The following LYN variants were observed in gnomAD, a reference collection of about 807,000 sequenced individuals.
The protein encoded by LYN is tyrosine-protein kinase Lyn.
Under a neutral mutation model 65.0 loss-of-function variants are expected in LYN, and 12 were observed. That is an observed-to-expected ratio of 0.18 (90% confidence interval 0.12 to 0.30). LYN has a LOEUF of 0.30. Ranked by LOEUF, LYN falls within the 10% of genes least tolerant of loss-of-function variation. The pLI is 1.00. For synonymous variants in LYN, 222 were observed against 221.2 expected (o/e 1.00, Z -0.03); for missense variants, 380 against 623.2 (o/e 0.61, Z 4.16).
chr8:55,946,126 G>A (rs1806768295), intron 2 of LYN, among the ~76,000 whole-genome samples: 1 of 152,186 alleles, frequency 6.6e-6, no homozygotes, highest in African/African-American at 2.4e-5. Flanking sequence ...CACTCATTGA[G>A]CTGGGCAAAC....
rs376217002 is a variant in LYN at position 56,009,890 on chromosome 8, T to C, written c.1337-18T>C. The C allele has an allele frequency of 1.9e-6, 3 of 1,610,570 alleles. No individual in the cohort carries two copies. The highest frequency in any genetic ancestry group is 2.7e-5 in the African/African-American group (2 of 74,700). On this transcript the variant is annotated intron_variant, in intron 12 of 12. Coordinates refer to ENST00000519728, the MANE Select transcript of LYN (RefSeq NM_002350.4). Reference sequence around the variant, plus strand: ...AAACGGCATGGGTTTCTGTTCTTTTTGTTTTTTTCCACCCTAGGGAGAACT... The same window carrying C: ...AAACGGCATGGGTTTCTGTTCTTTTCGTTTTTTTCCACCCTAGGGAGAACT...
intron 1 of LYN, among the ~76,000 whole-genome samples, chr8:55,906,681 T>C (rs2130393758): frequency 6.7e-6 from 1 of 150,176 alleles, no homozygotes; most frequent in Non-Finnish European, 1.5e-5. Flanking sequence ...GAGATCAGCT[T>C]GGGCAACGTA....
intron 8 of LYN, among the ~76,000 whole-genome samples, chr8:55,965,432 C>T (rs1475035057): frequency 6.6e-6 from 1 of 152,098 alleles, no homozygotes; most frequent in Non-Finnish European, 1.5e-5. Context: ...CTAACAGTCA[C>T]CCAAGTCCAG....
At chr8:55,915,715 A>C (rs1805763173) in intron 1 of LYN, among the ~76,000 whole-genome samples, 1 of 152,178 alleles carries the variant, frequency 6.6e-6, no homozygotes, top group South Asian at 2.1e-4. Flanking sequence ...TCAAAAAATA[A>C]TAAAAAATTA....
chr8:55,980,948 C>T (rs1433393141), intron 10 of LYN, among the ~76,000 whole-genome samples: 1 of 152,176 alleles, frequency 6.6e-6, no homozygotes, highest in African/African-American at 2.4e-5. Context: ...CGGCCGCTTG[C>T]TAGCCCCTGG....
intron 10 of LYN, among the ~76,000 whole-genome samples, chr8:55,992,251 C>T (rs1000384673): frequency 3.3e-5 from 5 of 152,094 alleles, no homozygotes; most frequent in South Asian, 2.1e-4. Context: ...AAGATTTTAT[C>T]GGTTTCCCAA....
chr8:55,945,938 G>A (rs927947573), intron 2 of LYN, among the ~76,000 whole-genome samples: 3 of 152,162 alleles, frequency 2.0e-5, no homozygotes, highest in Non-Finnish European at 2.9e-5. Flanking sequence ...CACCTCTTCC[G>A]TCTCCATCCT....
chr8:55,967,595 C>A (rs750071425), intron 9 of LYN, among the ~76,000 whole-genome samples: 9 of 152,284 alleles, frequency 5.9e-5, no homozygotes, highest in South Asian at 4.1e-4. Context: ...GGATTACAGG[C>A]ATGAGCACCC....
At chr8:55,905,806 G>A (rs1204670463) in intron 1 of LYN, among the ~76,000 whole-genome samples, 1 of 152,104 alleles carries the variant, frequency 6.6e-6, no homozygotes, top group Non-Finnish European at 1.5e-5. Flanking sequence ...AGTGCATGAA[G>A]TCCCTTGCTC....
At chr8:56,000,479 A>G (rs141560809) in intron 12 of LYN, among the ~76,000 whole-genome samples, 2,330 of 152,232 alleles carry the variant, frequency 0.015, 57 homozygotes, top group African/African-American at 0.046. Flanking sequence ...CTGTAATCCC[A>G]GCACTTTGGG....
intron 1 of LYN, among the ~76,000 whole-genome samples, chr8:55,890,117 C>CAAAAAAAAAAAAAAAAAAAAA (rs34706733): frequency 1.1e-3 from 88 of 79,038 alleles, no homozygotes; most frequent in East Asian, 2.5e-3. Context: ...CCTCTATAGA[C>CAAAAAAAAAAAAAAAAAAAAA]AAAAAAAAAA....
intron 10 of LYN, among the ~76,000 whole-genome samples, chr8:55,982,158 C>T (rs1162351583): frequency 2.6e-5 from 4 of 152,132 alleles, no homozygotes; most frequent in South Asian, 2.1e-4. Flanking sequence ...TTCCACCCAG[C>T]GCCCCCAGTG....
At chr8:55,897,110 C>T (rs192251090) in intron 1 of LYN, among the ~76,000 whole-genome samples, 14 of 152,082 alleles carry the variant, frequency 9.2e-5, no homozygotes, top group African/African-American at 3.1e-4. Flanking sequence ...GTTACTCACC[C>T]GAACGCTGGC....
At chr8:55,940,616 C>T (rs1238873220) in intron 1 of LYN, among the ~76,000 whole-genome samples, 2 of 152,174 alleles carry the variant, frequency 1.3e-5, no homozygotes, top group African/African-American at 2.4e-5. Context: ...CCTCGTGATC[C>T]GCCTTCCTTG....
Position 55,911,287 on chromosome 8 carries a change from T to TATATATA in LYN, c.-5-30568_-5-30567insATATATA, listed in dbSNP as rs1563506834. 3.3e-3 allele frequency among the ~76,000 whole-genome samples: 85 copies of TATATATA among 25,636 alleles called. 1 individual carries two copies. The highest frequency in any genetic ancestry group is 6.5e-3 in the Non-Finnish European group (68 of 10,500). The allele number at this position is 25,636 out of a possible 152,430, so 16.8% of individuals were successfully genotyped here. A position where few individuals can be genotyped will look rare whatever the true frequency, so the allele number is the denominator to read the frequency against. On this transcript the variant is annotated intron_variant, in intron 1 of 12. Transcript: ENST00000519728. ...TATATATATATATATATATATATAT[T>TATATATA]TTTTTTTTTTTTTTAGTAGAGACAG... is the stretch of plus-strand genomic sequence containing the variant.
intron 12 of LYN, among the ~76,000 whole-genome samples, chr8:56,000,498 G>A (rs1808482777): frequency 6.6e-6 from 1 of 152,106 alleles, no homozygotes; most frequent in South Asian, 2.1e-4. Flanking sequence ...GGAGGCTGAG[G>A]TGGGTGAATC....
At chr8:56,008,528 A>G (rs1808735480) in intron 12 of LYN, among the ~76,000 whole-genome samples, 1 of 152,248 alleles carries the variant, frequency 6.6e-6, no homozygotes, top group Non-Finnish European at 1.5e-5. Context: ...GTGGATAGAT[A>G]CTGCTAGATG....
chr8:55,958,496 T>C (rs942338189), intron 8 of LYN, among the ~76,000 whole-genome samples: 1 of 152,248 alleles, frequency 6.6e-6, no homozygotes. Flanking sequence ...ATAAAATTTG[T>C]GTTTTAGCGA....
chr8:55,953,084 T>C (rs1369012493), intron 7 of LYN, among the ~76,000 whole-genome samples: 1 of 152,190 alleles, frequency 6.6e-6, no homozygotes, highest in African/African-American at 2.4e-5. Flanking sequence ...CTTGCCTTCC[T>C]CCGCCCTCCC....
Sources: allele counts gnomAD v4.1 joint callset (sites outside exome capture counted in the v4.1 genomes callset), GRCh38; gene constraint gnomAD v4.1.1; transcripts MANE v1.5; gene names NCBI Gene and HGNC (gene_info 2026-07-23, HGNC 2026-07-21).